NMT2: variants seen among roughly 807,000 people sequenced by gnomAD.
NMT2 encodes the protein glycylpeptide N-tetradecanoyltransferase 2.
In NMT2, 35 loss-of-function variants were observed where a neutral mutation model predicts 65.4. That is an observed-to-expected ratio of 0.54 (90% CI 0.41 to 0.71). NMT2 has a LOEUF of 0.71. Among genes scored for constraint, NMT2 ranks in the 30% least tolerant of loss-of-function variants. The pLI, the probability that NMT2 is intolerant of heterozygous loss-of-function variation, is 0.00. For synonymous variants in NMT2, 226 were observed against 231.8 expected (o/e 0.98, Z 0.23); for missense variants, 489 against 611.3 (o/e 0.80, Z 2.11).
intron 1 of NMT2, among the ~76,000 whole-genome samples, chr10:15,158,532 T>A (rs1833080233): frequency 6.6e-6 from 1 of 152,162 alleles, no homozygotes; most frequent in Non-Finnish European, 1.5e-5. Context: ...AATTAAGAGC[T>A]ATTGGAATCC....
chr10:15,128,335 A>C lies in NMT2; in HGVS notation c.999+15T>G. 1 of 1,433,750 alleles carries C rather than the reference A, an allele frequency of 7.0e-7. No homozygotes were observed. The highest frequency in any genetic ancestry group is 1.2e-5 in the South Asian group (1 of 86,288). 88.8% of individuals were successfully genotyped at this position (1,433,750 alleles called of 1,614,324 possible). ...TTGTTACAGCTTCAAAAAACTGCAAATCATTCTTACTTACATCTGGAAGTC... is the reference window on the plus strand; with the variant it reads ...TTGTTACAGCTTCAAAAAACTGCAACTCATTCTTACTTACATCTGGAAGTC... On this transcript the variant is annotated intron_variant, in intron 8 of 11. Coordinates refer to ENST00000378165, the MANE Select transcript of NMT2 (RefSeq NM_004808.3).
At chr10:15,115,858 A>G (rs912543600) in intron 9 of NMT2, among the ~76,000 whole-genome samples, 3 of 152,246 alleles carry the variant, frequency 2.0e-5, no homozygotes, top group Non-Finnish European at 4.4e-5. Flanking sequence ...CATTATGATA[A>G]AAAGATCAAT....
intron 1 of NMT2, among the ~76,000 whole-genome samples, chr10:15,158,730 A>G (rs565953834): frequency 6.6e-6 from 1 of 152,320 alleles, no homozygotes; most frequent in South Asian, 2.1e-4. Context: ...CGATAGACTG[A>G]TTACTTAAAG....
intron 1 of NMT2, among the ~76,000 whole-genome samples, chr10:15,147,229 C>T (rs185935088): frequency 1.3e-5 from 2 of 150,000 alleles, no homozygotes; most frequent in Non-Finnish European, 3.0e-5. Flanking sequence ...GATAACTTAG[C>T]TCCTCTCTAC....
chr10:15,159,270 G>GGA (rs1338417079), intron 1 of NMT2, among the ~76,000 whole-genome samples: 7 of 152,122 alleles, frequency 4.6e-5, no homozygotes, highest in Admixed American at 6.5e-5. Context: ...AGACAGAAAG[G>GGA]GAGAGAGGTT....
At chr10:15,132,275 CG>C (rs921180895) in intron 6 of NMT2, among the ~76,000 whole-genome samples, 14 of 149,402 alleles carry the variant, frequency 9.4e-5, no homozygotes, top group African/African-American at 3.6e-4. Flanking sequence ...ATTCACAGTC[CG>C]TTTTTTTTTC....
intron 8 of NMT2, among the ~76,000 whole-genome samples, chr10:15,125,488 C>A (rs1332500982): frequency 1.3e-5 from 2 of 152,184 alleles, no homozygotes; most frequent in East Asian, 1.9e-4. Context: ...ATTCTTCACT[C>A]CATTGTAGGC....
chr10:15,113,578 T>A (rs1221329933), intron 9 of NMT2, among the ~76,000 whole-genome samples: 1 of 150,960 alleles, frequency 6.6e-6, no homozygotes, highest in Admixed American at 6.6e-5. Context: ...GGAACAGTGA[T>A]AAAAGCAGAT....
intron 1 of NMT2, among the ~76,000 whole-genome samples, chr10:15,161,465 C>T (rs1353078531): frequency 6.6e-6 from 1 of 152,136 alleles, no homozygotes; most frequent in Non-Finnish European, 1.5e-5. Flanking sequence ...GATTCTCCTG[C>T]CTGCCTCAGC....
At chr10:15,128,515 C>G in intron 7 of NMT2, 57 bp from the exon 8 acceptor site, 1 of 1,089,990 alleles carries the variant, frequency 9.2e-7, no homozygotes. Context: ...CAAGTTTTCA[C>G]TCTTTGTCTC....
At chr10:15,144,029 C>A (rs765574882) in intron 1 of NMT2, among the ~76,000 whole-genome samples, 1 of 150,972 alleles carries the variant, frequency 6.6e-6, no homozygotes, top group Non-Finnish European at 1.5e-5. Context: ...AATGCCTGTT[C>A]AATGAGGTTT....
intron 8 of NMT2, among the ~76,000 whole-genome samples, chr10:15,120,411 T>C (rs1156282429): frequency 6.6e-6 from 1 of 152,150 alleles, no homozygotes; most frequent in East Asian, 1.9e-4. Flanking sequence ...TGAACCATGA[T>C]CACGCCACTG....
At chr10:15,135,470 A>C in intron 2 of NMT2, 52 bp from the exon 3 acceptor site, 1 of 1,595,398 alleles carries the variant, frequency 6.3e-7, no homozygotes, top group East Asian at 2.2e-5. Flanking sequence ...GCTGATGTTA[A>C]ACTTGAGCAG....
chr10:15,138,679 T>C (rs1285529555), intron 2 of NMT2, among the ~76,000 whole-genome samples: 2 of 152,178 alleles, frequency 1.3e-5, no homozygotes, highest in Non-Finnish European at 2.9e-5. Flanking sequence ...CCAAATATCA[T>C]TTTTATTTTG....
At chr10:15,134,071 A>C (rs1846385284) in intron 3 of NMT2, among the ~76,000 whole-genome samples, 1 of 152,082 alleles carries the variant, frequency 6.6e-6, no homozygotes, top group Non-Finnish European at 1.5e-5. Context: ...CATTTCCACA[A>C]ACTGGGAGAG....
At chr10:15,129,072 TC>T (rs1407167856) in intron 7 of NMT2, among the ~76,000 whole-genome samples, 3 of 152,280 alleles carry the variant, frequency 2.0e-5, no homozygotes, top group Admixed American at 1.3e-4. Flanking sequence ...CATCACTGAT[TC>T]TACAAAAGGC....
chr10:15,135,516 A>G (rs531175219), intron 2 of NMT2, 98 bp from the exon 3 acceptor site: 320 of 1,208,974 alleles, frequency 2.6e-4, no homozygotes, highest in Middle Eastern at 3.9e-4. Context: ...TACAATACCT[A>G]AACACTAACA....
At chr10:15,124,110 A>G (rs1846008299) in intron 8 of NMT2, among the ~76,000 whole-genome samples, 1 of 152,220 alleles carries the variant, frequency 6.6e-6, no homozygotes, top group East Asian at 1.9e-4. Flanking sequence ...CACAGTGCTA[A>G]GACCTTAGTG....
At position 15,109,254 on chromosome 10, in the gene NMT2, G is replaced by C. The variant is rs201386875; in HGVS notation, c.1477-39C>G. The C allele has an allele frequency of 1.2e-4, 198 of 1,603,286 alleles. 1 individual carries two copies. In the African/African-American group the frequency reaches 1.7e-3, roughly 14 times the overall value. On this transcript the variant is annotated intron_variant, in intron 11 of 11. Coordinates refer to ENST00000378165, the MANE Select transcript of NMT2 (RefSeq NM_004808.3). ...AGAAATGGAATAGTAAGAAAAATTA[G>C]ATTGCAATGTAGTACAATAGATCTG...
Sources: allele counts gnomAD v4.1 joint callset (sites outside exome capture counted in the v4.1 genomes callset), GRCh38; gene constraint gnomAD v4.1.1; transcripts MANE v1.5; gene names NCBI Gene and HGNC (gene_info 2026-07-23, HGNC 2026-07-21).